TULP4: variants seen among roughly 807,000 people sequenced by gnomAD.
TULP4 encodes the protein TUB like protein 4.
Under a neutral mutation model 129.0 loss-of-function variants are expected in TULP4, and 16 were observed. That is an observed-to-expected ratio of 0.12 (90% CI 0.08 to 0.19). The LOEUF (loss-of-function observed/expected upper bound fraction) is 0.19. TULP4 is among the 10% of genes least tolerant of loss of function. The pLI, the probability that TULP4 is intolerant of heterozygous loss-of-function variation, is 1.00. For missense variants in TULP4, 1,842 were observed against 2,059.1 expected, an observed-to-expected ratio of 0.89 and a Z score of 2.04; for synonymous variants, 998 against 854.0, an observed-to-expected ratio of 1.17 and a Z score of -2.94.
At chr6:158,490,330 A>G (rs1419149588) in intron 9 of TULP4, among the ~76,000 whole-genome samples, 1 of 152,228 alleles carries the variant, frequency 6.6e-6, no homozygotes, top group Non-Finnish European at 1.5e-5. Context: ...CGGGAAGTGG[A>G]GGTTGCAGAG....
At chr6:158,281,330 C>T (rs1191063112), upstream of TULP4, among the ~76,000 whole-genome samples, 2 of 152,018 alleles carry the variant, frequency 1.3e-5, no homozygotes, top group Admixed American at 6.5e-5. Flanking sequence ...TCTCCTGCCT[C>T]GGCCTCCCGA....
At chr6:158,379,294 G>T (rs947710106) in intron 1 of TULP4, among the ~76,000 whole-genome samples, 11 of 152,296 alleles carry the variant, frequency 7.2e-5, no homozygotes, top group Admixed American at 6.5e-4. Flanking sequence ...TGCCCCAAAA[G>T]CAGTGGTAGG....
intron 6 of TULP4, among the ~76,000 whole-genome samples, chr6:158,477,926 A>G (rs941549033): frequency 6.6e-6 from 1 of 152,258 alleles, no homozygotes; most frequent in Non-Finnish European, 1.5e-5. Flanking sequence ...CTATGCAGCC[A>G]TAAAAAAGAA....
rs1273621260 is a variant in TULP4 at position 158,366,104 on chromosome 6, C to T, written c.253-46961C>T. On this transcript the variant is annotated intron_variant, in intron 1 of 13. Coordinates refer to ENST00000367097, the MANE Select transcript of TULP4 (RefSeq NM_020245.5). ...ATTTTTAGTAGAAACGGGGTTTCAC[C>T]ATGTTAGCCAGGATGGTCTCGATCT... Among the ~76,000 whole-genome samples the T allele has an allele frequency of 2.0e-5, 3 of 151,468 alleles. No individual in the cohort carries two copies. The East Asian group carries it at 5.9e-4, about 30-fold the overall frequency.
At chr6:158,333,844 C>A (rs1409918277) in intron 1 of TULP4, among the ~76,000 whole-genome samples, 3 of 151,882 alleles carry the variant, frequency 2.0e-5, no homozygotes, top group African/African-American at 4.8e-5. Context: ...TCAAAACTTA[C>A]ACGCACAAAC....
In TULP4 at chr6:158,283,442, G is replaced by A. The variant is rs1430871899; in HGVS notation, n.116+1064G>A. The stretch of plus-strand genomic sequence containing the variant: ...ATTCTTGTGTAAAAGGTAAGGTTTT[G>A]GCTTGTGCTCTGAATCTTAGCACTT... On this transcript the variant is annotated intron_variant and non_coding_transcript_variant, in intron 1 of 1. Coordinates refer to the TULP4 transcript ENST00000432358. 2.6e-5 allele frequency among the ~76,000 whole-genome samples: 4 copies of A among 152,140 alleles called. No individual in the cohort carries two copies. In the East Asian group the frequency reaches 5.8e-4, roughly 22 times the overall value.
At chr6:158,310,101 C>G (rs931025159), upstream of TULP4, among the ~76,000 whole-genome samples, 1 of 151,978 alleles carries the variant, frequency 6.6e-6, no homozygotes, top group Non-Finnish European at 1.5e-5. Context: ...GGGTATTAGC[C>G]CATTTGCATT....
chr6:158,482,450 A>G (rs1779969692), intron 8 of TULP4, among the ~76,000 whole-genome samples: 1 of 152,226 alleles, frequency 6.6e-6, no homozygotes, highest in African/African-American at 2.4e-5. Flanking sequence ...ACTCGTGACA[A>G]GCTAGTACCA....
chr6:158,418,411 T>C (rs1044727683), intron 2 of TULP4, among the ~76,000 whole-genome samples: 1 of 151,648 alleles, frequency 6.6e-6, no homozygotes, highest in African/African-American at 2.4e-5. Context: ...TTTTTTTTTT[T>C]TTTTTTTTAA....
intron 1 of TULP4, among the ~76,000 whole-genome samples, chr6:158,349,206 A>G: frequency 2.2e-5 from 3 of 136,928 alleles, no homozygotes; most frequent in South Asian, 2.5e-4. Flanking sequence ...CTCACCTCTC[A>G]GACGGGGTGG....
At chr6:158,386,816 A>G (rs879454764) in intron 1 of TULP4, among the ~76,000 whole-genome samples, 1 of 152,158 alleles carries the variant, frequency 6.6e-6, no homozygotes, top group East Asian at 1.9e-4. Context: ...AATAGCTTCT[A>G]TCTCATAAGG....
intron 8 of TULP4, 61 bp from the exon 9 acceptor site, chr6:158,489,527 T>G: frequency 1.2e-6 from 2 of 1,600,450 alleles, no homozygotes; most frequent in Non-Finnish European, 1.7e-6. Context: ...ATAGTAATGA[T>G]CATTGGTAGG....
chr6:158,460,552 T>G (rs1779399768), intron 5 of TULP4, among the ~76,000 whole-genome samples: 1 of 152,244 alleles, frequency 6.6e-6, no homozygotes, highest in African/African-American at 2.4e-5. Flanking sequence ...ATAAACCTTT[T>G]AATAACCATT....
intron 2 of TULP4, among the ~76,000 whole-genome samples, chr6:158,423,493 C>T (rs988294967): frequency 1.3e-5 from 2 of 152,150 alleles, no homozygotes; most frequent in African/African-American, 2.4e-5. Context: ...ATGGCATTAA[C>T]TCTGATTTGA....
chr6:158,339,305 A>G (rs959876939), intron 1 of TULP4, among the ~76,000 whole-genome samples: 1 of 152,186 alleles, frequency 6.6e-6, no homozygotes, highest in African/African-American at 2.4e-5. Flanking sequence ...CACATGCTTC[A>G]AGGGCGACAA....
intron 1 of TULP4, among the ~76,000 whole-genome samples, chr6:158,292,721 T>G (rs1778966768): frequency 6.6e-6 from 1 of 152,192 alleles, no homozygotes; most frequent in South Asian, 2.1e-4. Context: ...TATTTTTCCC[T>G]TATACAAACG....
intron 1 of TULP4, among the ~76,000 whole-genome samples, chr6:158,406,158 C>A (rs1260885236): frequency 6.6e-6 from 1 of 152,114 alleles, no homozygotes; most frequent in Non-Finnish European, 1.5e-5. Context: ...GTGCTCTGAA[C>A]AAGAGAGAGA....
At chr6:158,300,678 A>G (rs181943276) in intron 1 of TULP4, among the ~76,000 whole-genome samples, 89 of 152,368 alleles carry the variant, frequency 5.8e-4, no homozygotes, top group African/African-American at 2.0e-3. Context: ...CCGTTTGGCA[A>G]GTAGCCCAAA....
intron 1 of TULP4, among the ~76,000 whole-genome samples, chr6:158,262,664 T>G (rs1778371936): frequency 6.6e-6 from 1 of 152,116 alleles, no homozygotes; most frequent in Non-Finnish European, 1.5e-5. Flanking sequence ...CGGAAGAGTC[T>G]GAGAGAAGGC....
Sources: allele counts gnomAD v4.1 joint callset (sites outside exome capture counted in the v4.1 genomes callset), GRCh38; gene constraint gnomAD v4.1.1; transcripts MANE v1.5; gene names NCBI Gene and HGNC (gene_info 2026-07-23, HGNC 2026-07-21).